Variants in FER1L5 observed in about 807,000 individuals in gnomAD.
FER1L5 encodes the protein fer-1 like family member 5, also known as fer-1-like protein 5.
FER1L5 carries 187 observed loss-of-function variants against 279.9 expected under a neutral mutation model. That is an observed-to-expected ratio of 0.67 (90% confidence interval 0.59 to 0.75). The LOEUF (loss-of-function observed/expected upper bound fraction) is 0.75, where lower values mean the gene tolerates loss of function less well. Ranked by LOEUF, FER1L5 falls within the 30% of genes least tolerant of loss-of-function variation. FER1L5 has a pLI of 0.00. For missense variants in FER1L5, 2,091 were observed against 2,594.4 expected (o/e 0.81, Z 4.21); for synonymous variants, 921 against 989.7 (o/e 0.93, Z 1.30).
In FER1L5 at chr2:96,691,317, G is replaced by A. The variant is rs1270643491; in HGVS notation, c.2871G>A (p.Leu957=). 10 of 1,550,434 alleles carry A rather than the reference G, an allele frequency of 6.4e-6. No individual in the cohort carries two copies. The highest frequency in any genetic ancestry group is 8.7e-6 in the Non-Finnish European group (10 of 1,146,738). The part of the protein sequence containing the change: ...ARVRFRNHGE[L]SHEQETLSFL... ...TGCGCTTCAGGAACCATGGGGAGCT[G>A]AGCCACGAGCAGGAGACCCTCTCCT... The change falls in exon 28 of 53, where the codon CTG becomes CTA. Residue 957 remains leucine (L), a synonymous_variant. Coordinates refer to ENST00000624922, the MANE Select transcript of FER1L5 (RefSeq NM_001293083.2). This position sits in a 1 kb window ranked among gnomAD's most constrained non-coding sequence, Gnocchi z 6.0.
Position 96,694,065 on chromosome 2 carries a change from A to G in FER1L5, c.3629A>G (p.Gln1210Arg), listed in dbSNP as rs767154705. ...TTGGCATCCTGTGAGCTGATCCTCC[A>G]GACTGAGGTATTGGGAGAGAGGGCC... is the stretch of plus-strand genomic sequence containing the variant. ...EILASCELIL[Q>R]TEKLGEKQLP... The change falls in exon 33 of 53, where the codon CAG (glutamine) becomes CGG (arginine). Residue 1210 changes from glutamine (Q) to arginine (R), a missense_variant. Coordinates refer to ENST00000624922, the MANE Select transcript of FER1L5 (RefSeq NM_001293083.2). The surrounding 1 kb of genome is among the most constrained non-coding windows in gnomAD (Gnocchi z 4.6). The G allele has an allele frequency of 1.3e-6, 2 of 1,541,458 alleles. No individual in the cohort carries two copies. The highest frequency in any genetic ancestry group is 2.4e-5 in the South Asian group (2 of 83,934).
Position 96,693,986 on chromosome 2 carries a change from C to G in FER1L5, c.3550C>G (p.Pro1184Ala), listed in dbSNP as rs1277866496. Residue 1184 changes from proline (P) to alanine (A), a missense_variant, in exon 33 of 53, where the codon CCC (proline) becomes GCC (alanine). Pro to Ala is a conservative substitution (Grantham distance 27). Coordinates refer to ENST00000624922, the MANE Select transcript of FER1L5 (RefSeq NM_001293083.2). ...WLDLQDRILP[P>A]MRWHPLVKEL... ...GGATCTCCAGGACCGGATCCTGCCC[C>G]CCATGAGGTGGCATCCCCTTGTAAA... 6.4e-6 allele frequency: 10 copies of G among 1,551,432 alleles called. No individual in the cohort carries two copies. In the East Asian group the frequency reaches 2.4e-4, roughly 38 times the overall value.
Position 96,689,268 on chromosome 2 carries a change from G to GC in FER1L5, c.2421dup (p.Asn808GlnfsTer53). 1.9e-6 allele frequency: 3 copies of GC among 1,550,560 alleles called. No homozygotes were observed. Among genetic ancestry groups the GC allele is most frequent in the Non-Finnish European group, 1.7e-6 (2 of 1,146,686 alleles). On this transcript the variant is annotated frameshift_variant, in exon 25 of 53. Coordinates refer to ENST00000624922, the MANE Select transcript of FER1L5 (RefSeq NM_001293083.2). LOFTEE classifies it high-confidence loss of function. The surrounding 1 kb of genome is among the most constrained non-coding windows in gnomAD (Gnocchi z 4.6). ...TGGGGGCAGCAGGGGCTGTATCACT[G>GC]CCCCAACTTCTCGGATGTCATGGGG...
chr2:96,699,530 C>T lies in FER1L5; in HGVS notation c.4611-20C>T, dbSNP rs2077513837. 6.2e-7 allele frequency: 1 copy of T among 1,608,402 alleles called. No homozygotes were observed. The highest frequency in any genetic ancestry group is 1.3e-5 in the African/African-American group (1 of 74,962). On this transcript the variant is annotated intron_variant, in intron 42 of 52. Transcript: ENST00000624922. ...AGACATTGCCCACATCCTCTGCAGT[C>T]TCCAACACCTCACCCCTAGGATGTT...
In FER1L5 at chr2:96,646,144, G is replaced by A. The variant is rs867234801; in HGVS notation, c.86-257G>A. Among the ~76,000 whole-genome samples, 114 of 151,914 alleles carry A rather than the reference G, an allele frequency of 7.5e-4. No homozygotes were observed. In the Middle Eastern group the frequency reaches 0.017, roughly 23 times the overall value. On this transcript the variant is annotated intron_variant, in intron 1 of 52. Transcript: ENST00000624922. Reference sequence around the variant, plus strand: ...CTCCCAAGTAGCTGGGACTACAGGCGCCCGCCACCACGCCCGGCTAATTTT... The same window carrying A: ...CTCCCAAGTAGCTGGGACTACAGGCACCCGCCACCACGCCCGGCTAATTTT...
intron 19 of FER1L5, among the ~76,000 whole-genome samples, chr2:96,683,522 G>T: frequency 7.0e-6 from 1 of 143,178 alleles, no homozygotes; most frequent in Non-Finnish European, 1.5e-5. Flanking sequence ...CCCAAATAAG[G>T]CCAGATGCTA....
intron 19 of FER1L5, among the ~76,000 whole-genome samples, chr2:96,676,677 A>C (rs991485033): frequency 7.3e-6 from 1 of 136,890 alleles, no homozygotes; most frequent in African/African-American, 2.7e-5. Context: ...GACAATATGT[A>C]TCTTTGGATT....
In FER1L5 at chr2:96,702,926, G is replaced by A. The variant is rs1001382302; in HGVS notation, c.5398-52G>A. 4 of 1,569,308 alleles carry A rather than the reference G, an allele frequency of 2.5e-6. No individual in the cohort carries two copies. The highest frequency in any genetic ancestry group is 3.5e-6 in the Non-Finnish European group (4 of 1,155,712). ...GGTGGAGGGCCACTGAGGGGTGCAA[G>A]GGAAACGTCCAGGAGACAGGCCGGT... On this transcript the variant is annotated intron_variant, in intron 48 of 52. Coordinates refer to ENST00000624922, the MANE Select transcript of FER1L5 (RefSeq NM_001293083.2). This position sits in a 1 kb window ranked among gnomAD's most constrained non-coding sequence, Gnocchi z 4.0.
intron 9 of FER1L5, among the ~76,000 whole-genome samples, chr2:96,659,641 G>T (rs886486703): frequency 6.7e-6 from 1 of 150,222 alleles, no homozygotes; most frequent in Admixed American, 6.7e-5. Flanking sequence ...ACAGGGGCCC[G>T]CCACCACGCC....
intron 5 of FER1L5, 145 bp downstream of exon 5, chr2:96,649,822 G>A (rs1299195377): frequency 1.3e-6 from 1 of 763,934 alleles, no homozygotes; most frequent in African/African-American, 1.8e-5. Flanking sequence ...GGAAGCTACA[G>A]GGTCTAGATG....
At chr2:96,700,137 G>C in intron 44 of FER1L5, 57 bp downstream of exon 44, 1 of 1,603,196 alleles carries the variant, frequency 6.2e-7, no homozygotes, top group Non-Finnish European at 8.5e-7. Context: ...GAAGCTGTGA[G>C]GCTCCAGAAT....
In FER1L5 at chr2:96,691,682, G is replaced by C. The variant is rs1369944896; in HGVS notation, c.3075+70G>C. Reference sequence around the variant, plus strand: ...CCCAGAGAAGCCAGGGCCTGGCCTGGCTGGGGCGCTGACTGCGGAGGAAGG... The same window carrying C: ...CCCAGAGAAGCCAGGGCCTGGCCTGCCTGGGGCGCTGACTGCGGAGGAAGG... On this transcript the variant is annotated intron_variant, in intron 29 of 52. Coordinates refer to ENST00000624922, the MANE Select transcript of FER1L5 (RefSeq NM_001293083.2). This position sits in a 1 kb window ranked among gnomAD's most constrained non-coding sequence, Gnocchi z 6.0. The C allele has an allele frequency of 6.5e-7, 1 of 1,529,344 alleles. No individual in the cohort carries two copies. The highest frequency in any genetic ancestry group is 1.3e-5 in the South Asian group (1 of 79,956). The allele number at this position is 1,529,344 out of a possible 1,614,324, so 94.7% of individuals were successfully genotyped here. A position where few individuals can be genotyped will look rare whatever the true frequency, so the allele number is the denominator to read the frequency against.
intron 19 of FER1L5, among the ~76,000 whole-genome samples, chr2:96,675,379 C>T (rs1331479869): frequency 6.6e-6 from 1 of 152,134 alleles, no homozygotes; most frequent in Non-Finnish European, 1.5e-5. Flanking sequence ...TATTACTCTA[C>T]CTTCTCACCA....
chr2:96,646,985 C>T, intron 2 of FER1L5, 79 bp from the exon 3 acceptor site: 1 of 1,424,528 alleles, frequency 7.0e-7, no homozygotes, highest in Non-Finnish European at 9.6e-7. Context: ...AGCCCGTTCC[C>T]CACGTCTTTC....
chr2:96,669,140 A>G lies in FER1L5; in HGVS notation c.1362+3A>G. 6.4e-7 allele frequency: 1 copy of G among 1,551,326 alleles called. No homozygotes were observed. Among genetic ancestry groups the G allele is most frequent in the Non-Finnish European group, 8.7e-7 (1 of 1,146,872 alleles). On this transcript the variant is annotated splice_donor_region_variant and intron_variant, in intron 17 of 52. Coordinates refer to ENST00000624922, the MANE Select transcript of FER1L5 (RefSeq NM_001293083.2). ...TCAGGATCCAGGAAGAAGGCGCTGT[A>G]AGCTTCTCACATCAGCTCTAGGGTA...
At chr2:96,703,427 A>G in intron 50 of FER1L5, 81 bp downstream of exon 50, 1 of 1,601,842 alleles carries the variant, frequency 6.2e-7, no homozygotes, top group Non-Finnish European at 8.5e-7. Context: ...GACCTAGCTA[A>G]ATCCCTTTTC....
chr2:96,676,460 C>T (rs1465305233), intron 19 of FER1L5, among the ~76,000 whole-genome samples: 2 of 152,180 alleles, frequency 1.3e-5, no homozygotes, highest in African/African-American at 2.4e-5. Context: ...AGCCGCTGGG[C>T]CCGGCCTAGT....
At chr2:96,682,132 G>C (rs987046922) in intron 19 of FER1L5, among the ~76,000 whole-genome samples, 1 of 151,508 alleles carries the variant, frequency 6.6e-6, no homozygotes, top group Non-Finnish European at 1.5e-5. Context: ...TGTTGCCCAG[G>C]CTGGAGTGCA....
chr2:96,687,660 C>T (rs917002938), intron 23 of FER1L5, 156 bp from the exon 24 acceptor site: 3 of 1,194,884 alleles, frequency 2.5e-6, no homozygotes, highest in Admixed American at 2.5e-5. Flanking sequence ...GAACAGAACT[C>T]CATGCCATTC....
Sources: allele counts gnomAD v4.1 joint callset (sites outside exome capture counted in the v4.1 genomes callset), GRCh38; gene constraint gnomAD v4.1.1; non-coding constraint Gnocchi (gnomAD v3.1); transcripts MANE v1.5; gene names NCBI Gene and HGNC (gene_info 2026-07-23, HGNC 2026-07-21).